The following ALPK1 variants were observed in gnomAD, a reference collection of about 807,000 sequenced individuals.
ALPK1 encodes alpha-protein kinase 1.
In ALPK1, 110 loss-of-function variants were observed where a neutral mutation model predicts 120.6. The ratio of observed to expected loss-of-function variants is 0.91; its 90% CI spans 0.78 to 1.07. The LOEUF (loss-of-function observed/expected upper bound fraction) is 1.07, where lower values mean the gene tolerates loss of function less well. Among genes scored for constraint, ALPK1 ranks in the 50% least tolerant of loss-of-function variants. ALPK1 has a pLI of 0.00. For missense variants in ALPK1, 1,498 were observed against 1,483.9 expected, an observed-to-expected ratio of 1.01 and a Z score of -0.16; for synonymous variants, 582 against 560.3, an observed-to-expected ratio of 1.04 and a Z score of -0.55.
At chr4:112,305,128 T>C (rs929934839) in intron 1 of ALPK1, among the ~76,000 whole-genome samples, 1 of 152,144 alleles carries the variant, frequency 6.6e-6, no homozygotes, top group African/African-American at 2.4e-5. Context: ...TTGGTACCAG[T>C]ACCATGCTGT....
At chr4:112,423,582 C>A in intron 5 of ALPK1, 1 of 379,512 alleles carries the variant, frequency 2.6e-6, no homozygotes, top group Non-Finnish European at 5.1e-6. Flanking sequence ...TAGTTCCTGT[C>A]CACGGGCAAC....
chr4:112,423,389 A>C (rs991837208), intron 5 of ALPK1, among the ~76,000 whole-genome samples: 2 of 152,226 alleles, frequency 1.3e-5, no homozygotes, highest in African/African-American at 4.8e-5. Flanking sequence ...TGAAAGCCAG[A>C]TCATGTAGGG....
intron 5 of ALPK1, among the ~76,000 whole-genome samples, chr4:112,418,872 G>A (rs537176134): frequency 6.6e-6 from 1 of 152,288 alleles, no homozygotes; most frequent in Non-Finnish European, 1.5e-5. Flanking sequence ...AAGAAAAAAA[G>A]TACCTCATTA....
intron 4 of ALPK1, among the ~76,000 whole-genome samples, chr4:112,385,729 A>T (rs1399459070): frequency 6.6e-6 from 1 of 152,156 alleles, no homozygotes; most frequent in Non-Finnish European, 1.5e-5. Flanking sequence ...ATTGTATCCC[A>T]ATCTGGTCGA....
chr4:112,301,901 C>T (rs1010062292), intron 1 of ALPK1, among the ~76,000 whole-genome samples: 2 of 152,068 alleles, frequency 1.3e-5, no homozygotes, highest in South Asian at 4.1e-4. Flanking sequence ...GATGCATTTT[C>T]ACCCCATATC....
Position 112,432,501 on chromosome 4 carries a change from C to T in ALPK1, c.2954C>T (p.Ala985Val), listed in dbSNP as rs200749150. 31 of 1,614,072 alleles carry T rather than the reference C, an allele frequency of 1.9e-5. No homozygotes were observed. In the East Asian group the frequency reaches 5.8e-4, roughly 30 times the overall value. The change falls in exon 11 of 16, where the codon GCA (alanine) becomes GTA (valine). Residue 985 changes from alanine (A) to valine (V), a missense_variant. By Grantham distance (64) the Ala-to-Val change is moderately conservative (BLOSUM62 0). Coordinates refer to ENST00000650871, the MANE Select transcript of ALPK1 (RefSeq NM_025144.4). ...LQPDDFEKLL[A>V]GVRHDWLFQR... ...CCTGATGACTTTGAAAAGCTGTTGG[C>T]AGGAGTGAGGCATGATTGGCTGTTT... is the stretch of plus-strand genomic sequence containing the variant.
chr4:112,422,710 G>C (rs1425027463), intron 5 of ALPK1, among the ~76,000 whole-genome samples: 1 of 152,236 alleles, frequency 6.6e-6, no homozygotes, highest in East Asian at 1.9e-4. Context: ...TATAAGTACT[G>C]TCAGCTGGAA....
intron 1 of ALPK1, among the ~76,000 whole-genome samples, chr4:112,312,519 A>C (rs1180464834): frequency 1.3e-5 from 2 of 152,110 alleles, no homozygotes; most frequent in East Asian, 1.9e-4. Context: ...TCATCCGCCC[A>C]CCTCGGCCTT....
intron 2 of ALPK1, among the ~76,000 whole-genome samples, chr4:112,319,255 A>G (rs1728764648): frequency 6.6e-6 from 1 of 152,218 alleles, no homozygotes; most frequent in African/African-American, 2.4e-5. Context: ...GTGTGTGCTG[A>G]GAGTAAGGAA....
chr4:112,331,989 C>T (rs1282904298), intron 2 of ALPK1, among the ~76,000 whole-genome samples: 1 of 152,158 alleles, frequency 6.6e-6, no homozygotes, highest in Non-Finnish European at 1.5e-5. Context: ...TGAGGTTTCT[C>T]AAGGAAAATA....
intron 1 of ALPK1, among the ~76,000 whole-genome samples, chr4:112,301,928 A>T (rs1417081738): frequency 6.6e-6 from 1 of 151,932 alleles, no homozygotes. Flanking sequence ...TCATCCAATT[A>T]CAGTGTCTTT....
At chr4:112,365,773 A>T (rs1382193144) in intron 2 of ALPK1, among the ~76,000 whole-genome samples, 2 of 152,226 alleles carry the variant, frequency 1.3e-5, no homozygotes, top group Non-Finnish European at 2.9e-5. Context: ...AAAAGAACGA[A>T]TCTGGAGGCA....
At chr4:112,426,326 T>A in intron 7 of ALPK1, 141 bp from the exon 8 acceptor site, 1 of 518,298 alleles carries the variant, frequency 1.9e-6, no homozygotes, top group Non-Finnish European at 3.4e-6. Context: ...GCTGTGTCAA[T>A]CTAATCTAAG....
At chr4:112,316,834 T>C (rs1728656298) in intron 2 of ALPK1, among the ~76,000 whole-genome samples, 1 of 152,114 alleles carries the variant, frequency 6.6e-6, no homozygotes, top group African/African-American at 2.4e-5. Flanking sequence ...TTTATTCCAC[T>C]ACATTAAGTA....
chr4:112,303,361 C>A (rs998655736), intron 1 of ALPK1, among the ~76,000 whole-genome samples: 3 of 152,178 alleles, frequency 2.0e-5, no homozygotes, highest in African/African-American at 7.2e-5. Flanking sequence ...CTGCCTCCAC[C>A]AGTAATTTTT....
chr4:112,301,112 T>C (rs900773388), intron 1 of ALPK1, among the ~76,000 whole-genome samples: 7 of 152,218 alleles, frequency 4.6e-5, no homozygotes, highest in Middle Eastern at 3.2e-3. Context: ...TCAGCTCTAA[T>C]TAAAGTTTGG....
At chr4:112,396,318 T>C (rs1159637910) in intron 4 of ALPK1, among the ~76,000 whole-genome samples, 1 of 152,222 alleles carries the variant, frequency 6.6e-6, no homozygotes, top group Non-Finnish European at 1.5e-5. Context: ...CTGGAGATTT[T>C]TGTAGTATTT....
chr4:112,403,434 A>G (rs1261305703), intron 4 of ALPK1, among the ~76,000 whole-genome samples: 2 of 152,222 alleles, frequency 1.3e-5, no homozygotes, highest in African/African-American at 4.8e-5. Context: ...AAGAAAATGA[A>G]AAGAAAGAAA....
At chr4:112,390,527 ATC>A (rs1241651187) in intron 4 of ALPK1, among the ~76,000 whole-genome samples, 3 of 152,196 alleles carry the variant, frequency 2.0e-5, no homozygotes, top group African/African-American at 7.2e-5. Context: ...TCAGGGCCTT[ATC>A]TGTGTTCACC....
Sources: gnomAD v4.1 joint callset for allele counts (sites outside exome capture counted in the v4.1 genomes callset) on GRCh38, gnomAD v4.1.1 for gene constraint, MANE v1.5 for transcripts, NCBI Gene and HGNC (gene_info 2026-07-23, HGNC 2026-07-21) for gene names.